Variants in AKT3 observed in about 807,000 individuals in gnomAD.
AKT3 encodes the protein RAC-gamma serine/threonine-protein kinase.
In AKT3, 15 loss-of-function variants were observed where a neutral mutation model predicts 65.3. The ratio of observed to expected loss-of-function variants is 0.23; its 90% confidence interval spans 0.15 to 0.35. The LOEUF (loss-of-function observed/expected upper bound fraction) is 0.35, where lower values mean the gene tolerates loss of function less well. AKT3 is among the 10% of genes least tolerant of loss of function. AKT3 has a pLI of 1.00. For missense variants in AKT3, 243 were observed against 576.5 expected (o/e 0.42, Z 5.92); for synonymous variants, 206 against 183.8 (o/e 1.12, Z -0.98).
At position 243,719,227 on chromosome 1, in the gene AKT3, T is replaced by G. The variant is rs1439946017; in HGVS notation, c.47-23511A>C. ...GATAGTGTTTAAATCCTATCCCAACTCTCAGAGACTTTTCTTATTTCATAA... is the reference window on the plus strand; with the variant it reads ...GATAGTGTTTAAATCCTATCCCAACGCTCAGAGACTTTTCTTATTTCATAA... On this transcript the variant is annotated intron_variant, in intron 2 of 13. Coordinates refer to ENST00000673466, the MANE Select transcript of AKT3 (RefSeq NM_005465.7). 2.6e-5 allele frequency among the ~76,000 whole-genome samples: 4 copies of G among 152,320 alleles called. No homozygotes were observed. The East Asian group carries it at 7.7e-4, about 29-fold the overall frequency.
At chr1:243,840,269 CAA>C (rs1289367366) in intron 2 of AKT3, among the ~76,000 whole-genome samples, 2 of 152,018 alleles carry the variant, frequency 1.3e-5, no homozygotes, top group African/African-American at 4.8e-5. Context: ...CTCTGGAGTA[CAA>C]AGAGAGCGTA....
At chr1:243,604,987 G>A (rs979402726) in intron 8 of AKT3, among the ~76,000 whole-genome samples, 1 of 152,012 alleles carries the variant, frequency 6.6e-6, no homozygotes, top group African/African-American at 2.4e-5. Context: ...GTTAAACCCA[G>A]GACAGTTTTC....
At chr1:243,749,942 T>C (rs1213857575) in intron 2 of AKT3, among the ~76,000 whole-genome samples, 1 of 152,216 alleles carries the variant, frequency 6.6e-6, no homozygotes, top group Non-Finnish European at 1.5e-5. Context: ...AATGCTGTAA[T>C]AATTGCTCTT....
intron 13 of AKT3, among the ~76,000 whole-genome samples, chr1:243,509,811 C>T (rs184402414): frequency 5.3e-5 from 8 of 152,190 alleles, no homozygotes; most frequent in African/African-American, 1.9e-4. Flanking sequence ...CTCAGGCACA[C>T]GGGAGGACAA....
intron 4 of AKT3, among the ~76,000 whole-genome samples, chr1:243,648,423 C>T (rs1346193441): frequency 1.3e-5 from 2 of 152,074 alleles, no homozygotes; most frequent in African/African-American, 4.8e-5. Flanking sequence ...TTGGGAGAAG[C>T]TCCATTTGGC....
chr1:243,756,926 C>G (rs961842838), intron 2 of AKT3, among the ~76,000 whole-genome samples: 1 of 152,182 alleles, frequency 6.6e-6, no homozygotes, highest in Non-Finnish European at 1.5e-5. Context: ...ACTTTTGTGA[C>G]ATTGCTGCCA....
intron 6 of AKT3, among the ~76,000 whole-genome samples, chr1:243,615,366 T>C (rs531776029): frequency 6.6e-6 from 1 of 152,292 alleles, no homozygotes; most frequent in Non-Finnish European, 1.5e-5. Flanking sequence ...GATGATTGTA[T>C]AAGTTCATAT....
At chr1:243,734,818 C>G (rs1459498483) in intron 2 of AKT3, 1 of 152,228 alleles carries the variant, frequency 6.6e-6, no homozygotes, top group Non-Finnish European at 1.5e-5. Context: ...AGTAACACAG[C>G]TTAAAGCACA....
chr1:243,743,046 C>A (rs1688258442), intron 2 of AKT3, among the ~76,000 whole-genome samples: 1 of 152,158 alleles, frequency 6.6e-6, no homozygotes, highest in South Asian at 2.1e-4. Context: ...ACTATTTTCA[C>A]TCCCAATTCA....
chr1:243,545,666 A>T, intron 11 of AKT3, 69 bp from the exon 12 acceptor site: 1 of 1,159,444 alleles, frequency 8.6e-7, no homozygotes, highest in Non-Finnish European at 1.3e-6. Context: ...AACAAAAAAT[A>T]TTTTGTGAAA....
intron 2 of AKT3, among the ~76,000 whole-genome samples, chr1:243,779,249 G>A (rs1690756137): frequency 6.6e-6 from 1 of 152,014 alleles, no homozygotes; most frequent in South Asian, 2.1e-4. Flanking sequence ...TTACCTATAG[G>A]ATCCACTTCC....
intron 8 of AKT3, among the ~76,000 whole-genome samples, chr1:243,605,119 G>A (rs1363415658): frequency 3.3e-5 from 5 of 152,176 alleles, no homozygotes; most frequent in Non-Finnish European, 5.9e-5. Context: ...TGAGTTCCTC[G>A]GCTCAAGTGA....
chr1:243,687,252 C>T (rs956285971), intron 3 of AKT3, among the ~76,000 whole-genome samples: 1 of 152,068 alleles, frequency 6.6e-6, no homozygotes, highest in Admixed American at 6.6e-5. Context: ...AAATAAGCCC[C>T]CCCATTCCTT....
chr1:243,803,651 C>T (rs1388119427), intron 2 of AKT3, among the ~76,000 whole-genome samples: 12 of 23,510 alleles, frequency 5.1e-4, no homozygotes, highest in South Asian at 4.8e-3. Context: ...CATGTACACA[C>T]ACACACACAC....
intron 10 of AKT3, among the ~76,000 whole-genome samples, chr1:243,556,520 G>A (rs1377688540): frequency 6.6e-6 from 1 of 152,100 alleles, no homozygotes; most frequent in Non-Finnish European, 1.5e-5. Context: ...ATTATAAGGA[G>A]GCTATGTATG....
At position 243,677,249 on chromosome 1, in the gene AKT3, AACTCAT is replaced by A. The variant is rs764316901; in HGVS notation, c.173-12372_173-12367del. Among the ~76,000 whole-genome samples, 10 of 152,160 alleles carry A rather than the reference AACTCAT, an allele frequency of 6.6e-5. No individual in the cohort carries two copies. In the South Asian group the frequency reaches 2.1e-3, roughly 32 times the overall value. ...GTCACTCAAGATCTTCTCTTATTCC[AACTCAT>A]ACTCTCTATCCCTGAAGATCTACTA... On this transcript the variant is annotated intron_variant, in intron 3 of 13. Coordinates refer to ENST00000673466, the MANE Select transcript of AKT3 (RefSeq NM_005465.7).
chr1:243,713,614 A>T (rs1320483841), intron 2 of AKT3, among the ~76,000 whole-genome samples: 1 of 151,912 alleles, frequency 6.6e-6, no homozygotes, highest in African/African-American at 2.4e-5. Flanking sequence ...GCAAGTCAAC[A>T]ATCGGCATCA....
chr1:243,769,648 T>C (rs1278614664), intron 2 of AKT3, among the ~76,000 whole-genome samples: 1 of 152,202 alleles, frequency 6.6e-6, no homozygotes, highest in East Asian at 1.9e-4. Context: ...TGTCTTTTCA[T>C]TGTTGAGATA....
chr1:243,608,743 CTTTTTTTTTTTTTTTTTT>C lies in AKT3; in HGVS notation c.696+4910_696+4927del, dbSNP rs566574203. On this transcript the variant is annotated intron_variant, in intron 8 of 13. Coordinates refer to ENST00000673466, the MANE Select transcript of AKT3 (RefSeq NM_005465.7). ...TTTTCTACAGTAATTAAGTTTTTTGCTTTTTTTTTTTTTTTTTTTTTTTTTTTGAGACGGAGTCTTGCT... is the reference window on the plus strand; with the variant it reads ...TTTTCTACAGTAATTAAGTTTTTTGCTTTTTTTTTGAGACGGAGTCTTGCT... 5.6e-5 allele frequency among the ~76,000 whole-genome samples: 4 copies of C among 70,806 alleles called. No homozygotes were observed. The South Asian group carries it at 2.6e-3, about 47-fold the overall frequency. The allele number at this position is 70,806 out of a possible 152,430, so 46.5% of individuals were successfully genotyped here.
Sources: allele counts gnomAD v4.1 joint callset (sites outside exome capture counted in the v4.1 genomes callset), GRCh38; gene constraint gnomAD v4.1.1; transcripts MANE v1.5; gene names NCBI Gene and HGNC (gene_info 2026-07-23, HGNC 2026-07-21).